CEMIP2: variants seen among roughly 807,000 people sequenced by gnomAD.
CEMIP2 encodes cell migration inducing hyaluronidase 2, also known as cell surface hyaluronidase CEMIP2.
In CEMIP2, 79 loss-of-function variants were observed where a neutral mutation model predicts 146.9. The observed-to-expected ratio is 0.54, with a 90% CI of 0.45 to 0.65. The LOEUF (loss-of-function observed/expected upper bound fraction) is 0.65. Ranked by LOEUF, CEMIP2 falls within the 30% of genes least tolerant of loss-of-function variation. The probability of loss-of-function intolerance (pLI) is 0.00; values close to 1 mark genes in which losing one functional copy is unlikely to be tolerated. For synonymous variants in CEMIP2, 601 were observed against 606.3 expected (o/e 0.99, Z 0.13); for missense variants, 1,596 against 1,696.2 (o/e 0.94, Z 1.04).
intron 21 of CEMIP2, among the ~76,000 whole-genome samples, chr9:71,692,108 T>TA (rs575560028): frequency 0.1 from 13,790 of 135,040 alleles, 1,191 homozygotes; most frequent in African/African-American, 0.24. Context: ...GACTCTATCT[T>TA]AAAAAAAAAA....
chr9:71,752,938 A>G (rs1035152787), intron 1 of CEMIP2, among the ~76,000 whole-genome samples: 4 of 152,182 alleles, frequency 2.6e-5, no homozygotes, highest in African/African-American at 9.7e-5. Flanking sequence ...TGATTTCTGA[A>G]CAAAAGTAAT....
chr9:71,730,787 C>T lies in CEMIP2; in HGVS notation c.1691G>A (p.Arg564Lys). 6.2e-7 allele frequency: 1 copy of T among 1,614,220 alleles called. No homozygotes were observed. Among genetic ancestry groups the T allele is most frequent in the Non-Finnish European group, 8.5e-7 (1 of 1,180,046 alleles). The change falls in exon 8 of 24, where the codon AGA (arginine) becomes AAA (lysine). Residue 564 changes from arginine (R) to lysine (K), a missense_variant. Arg to Lys is a conservative substitution (Grantham distance 26, BLOSUM62 2). Coordinates refer to ENST00000377044, the MANE Select transcript of CEMIP2 (RefSeq NM_013390.3). The part of the protein sequence containing the change: ...CGDVDYKGGY[R>K]HATFVDGLSI... The stretch of plus-strand genomic sequence containing the variant: ...CAGGCCGTCCACAAATGTTGCATGT[C>T]TGTATCCTCCTTTATAATCCACGTC...
intron 13 of CEMIP2, among the ~76,000 whole-genome samples, chr9:71,717,545 C>T (rs1021836491): frequency 2.0e-5 from 3 of 152,092 alleles, no homozygotes; most frequent in East Asian, 3.8e-4. Context: ...AACAGATTTA[C>T]TGAGTTGGAA....
chr9:71,691,822 G>C (rs10746885), intron 21 of CEMIP2, among the ~76,000 whole-genome samples: 124,773 of 152,104 alleles, frequency 0.82, 51,715 homozygotes, highest in East Asian at 0.99. Context: ...AAGCCCCAAA[G>C]CAGCTGGGTG....
rs776527754 is a variant in CEMIP2, at chr9:71,725,591, G to T, written c.2168C>A (p.Ser723Ter). ...LGIFYNNRVHSNFKAGLFIDK... is the reference protein window; with the variant it reads ...LGIFYNNRVH ...AACTTAGAAACCTACCTTAAAATTT[G>T]AATGGACCCTGTTGTTATAAAATAT... Residue 723 changes from serine (S) to a stop codon, truncating the protein, a stop_gained, in exon 11 of 24, where the codon TCA becomes TAA. Transcript: ENST00000377044. LOFTEE classifies it high-confidence loss of function. The T allele has an allele frequency of 6.2e-7, 1 of 1,613,654 alleles. No homozygotes were observed. The highest frequency in any genetic ancestry group is 8.5e-7 in the Non-Finnish European group (1 of 1,179,874).
intron 11 of CEMIP2, among the ~76,000 whole-genome samples, chr9:71,725,361 G>A (rs908652848): frequency 7.2e-5 from 11 of 152,074 alleles, no homozygotes; most frequent in Non-Finnish European, 1.5e-4. Flanking sequence ...CCCTTCTACC[G>A]TGGATGACAC....
At chr9:71,738,430 G>A (rs187667796) in intron 5 of CEMIP2, among the ~76,000 whole-genome samples, 313 of 152,062 alleles carry the variant, frequency 2.1e-3, no homozygotes, top group African/African-American at 6.6e-3. Flanking sequence ...CAGGAGAATT[G>A]CTTGAAACCA....
intron 17 of CEMIP2, 109 bp from the exon 18 acceptor site, chr9:71,704,912 T>A: frequency 9.5e-7 from 1 of 1,051,596 alleles, no homozygotes; most frequent in Non-Finnish European, 1.4e-6. Flanking sequence ...GGAGATTCTG[T>A]GATCTGTGCC....
intron 1 of CEMIP2, among the ~76,000 whole-genome samples, chr9:71,755,188 T>TGC (rs1164013196): frequency 2.1e-5 from 3 of 144,524 alleles, no homozygotes; most frequent in Middle Eastern, 3.6e-3. Context: ...AAATCATGCT[T>TGC]TTTTTTTTTT....
In CEMIP2 at chr9:71,712,171, C is replaced by G. The variant is rs1034728572; in HGVS notation, c.2681G>C (p.Arg894Thr). 1 of 1,614,162 alleles carries G rather than the reference C, an allele frequency of 6.2e-7. No homozygotes were observed. The highest frequency in any genetic ancestry group is 1.7e-5 in the Admixed American group (1 of 60,026). Reference protein sequence around the residue: ...TFKKYVPTPDRYSSAIGFLMK... With the variant: ...TFKKYVPTPDTYSSAIGFLMK... The stretch of plus-strand genomic sequence containing the variant: ...GAGGAAGCCAATTGCACTGCTGTAC[C>G]TATCTGGAGTTGGCACATATTTTTT... Residue 894 changes from arginine to threonine, a missense_variant, in exon 16 of 24, where the codon AGG (arginine) becomes ACG (threonine). By Grantham distance (71) the Arg-to-Thr change is moderately conservative. Transcript: ENST00000377044.
intron 4 of CEMIP2, among the ~76,000 whole-genome samples, chr9:71,744,708 A>C (rs1037534650): frequency 2.6e-5 from 4 of 152,230 alleles, no homozygotes; most frequent in African/African-American, 9.6e-5. Context: ...GAAAGGAAGA[A>C]GTATCTTCAG....
rs374770064 is a variant in CEMIP2, at chr9:71,685,281, C to T, written c.4068G>A (p.Gln1356=). The change falls in exon 24 of 24, where the codon CAG becomes CAA. Residue 1356 remains glutamine (Q), a synonymous_variant. Coordinates refer to ENST00000377044, the MANE Select transcript of CEMIP2 (RefSeq NM_013390.3). ...CTCTGGGACAACCATATTCGTCCAGCTGCAAAGGTATGAATTGTTCAAGCA... is the reference window on the plus strand; with the variant it reads ...CTCTGGGACAACCATATTCGTCCAGTTGCAAAGGTATGAATTGTTCAAGCA... The part of the protein sequence containing the change: ...LGVLEQFIPL[Q]LDEYGCPRAT... 4.3e-5 allele frequency: 70 copies of T among 1,612,734 alleles called. No homozygotes were observed. In the Middle Eastern group the frequency reaches 1.3e-3, roughly 30 times the overall value.
Position 71,685,129 on chromosome 9 carries a change from A to T in CEMIP2, c.*68T>A. 7.0e-7 allele frequency: 1 copy of T among 1,418,710 alleles called. No individual in the cohort carries two copies. The highest frequency in any genetic ancestry group is 9.4e-7 in the Non-Finnish European group (1 of 1,059,620). 87.9% of individuals were successfully genotyped at this position (1,418,710 alleles called of 1,614,324 possible). ...TCCGTTGGGTTAACAGTGTCATTTT[A>T]AAATGCCATAAATTAAATAAGTTAG... On this transcript the variant is annotated 3_prime_UTR_variant, in exon 24 of 24. Coordinates refer to ENST00000377044, the MANE Select transcript of CEMIP2 (RefSeq NM_013390.3).
chr9:71,716,442 T>C, intron 14 of CEMIP2, 75 bp downstream of exon 14: 1 of 1,196,968 alleles, frequency 8.4e-7, no homozygotes, highest in Non-Finnish European at 1.2e-6. Flanking sequence ...AACATTCCTG[T>C]GTATTATCAG....
chr9:71,696,519 C>T (rs1589128677), intron 20 of CEMIP2, among the ~76,000 whole-genome samples: 1 of 151,738 alleles, frequency 6.6e-6, no homozygotes, highest in South Asian at 2.1e-4. Flanking sequence ...ACCTGTAATC[C>T]CAGTACTTTG....
chr9:71,695,180 G>C (rs1822358141), intron 20 of CEMIP2, among the ~76,000 whole-genome samples: 2 of 152,030 alleles, frequency 1.3e-5, no homozygotes, highest in South Asian at 4.2e-4. Context: ...CCTCTTCCTT[G>C]CCACTCTGCC....
In CEMIP2 at chr9:71,685,198, T is replaced by C; in HGVS notation, c.4151A>G (p.Ter1384TrpextTer6). Residue 1384 changes from the stop codon to tryptophan, a stop_lost, in exon 24 of 24, where the codon TAG becomes TGG. Transcript: ENST00000377044. Reference protein sequence around the residue: ...ELLKQASKAH* With the variant: ...ELLKQASKAHW ...CAGCACTTAAGTTACAGTTAGTCTC[T>C]AATGTGCTTTTGAAGCTTGCTTTAG... 6.2e-7 allele frequency: 1 copy of C among 1,605,706 alleles called. No individual in the cohort carries two copies. Among genetic ancestry groups the C allele is most frequent in the South Asian group, 1.1e-5 (1 of 89,410 alleles).
At chr9:71,718,905 T>C (rs978742554) in intron 12 of CEMIP2, among the ~76,000 whole-genome samples, 26 of 152,292 alleles carry the variant, frequency 1.7e-4, no homozygotes, top group South Asian at 6.2e-4. Flanking sequence ...ATATTTATTA[T>C]AAATACTGAA....
In CEMIP2 at chr9:71,745,066, ATC is replaced by A; in HGVS notation, c.984_985del (p.Gln328HisfsTer9). 6.2e-7 allele frequency: 1 copy of A among 1,614,166 alleles called. No homozygotes were observed. The highest frequency in any genetic ancestry group is 8.5e-7 in the Non-Finnish European group (1 of 1,180,014). On this transcript the variant is annotated frameshift_variant, in exon 4 of 24. Transcript: ENST00000377044. LOFTEE classifies it high-confidence loss of function. ...TTCACTTCCCAACCGTTCCTGGATCATCTGGATGGTTCCTTGTAAGAGACTTT... is the reference window on the plus strand; with the variant it reads ...TTCACTTCCCAACCGTTCCTGGATCATGGATGGTTCCTTGTAAGAGACTTT...
Sources: gnomAD v4.1 joint callset for allele counts (sites outside exome capture counted in the v4.1 genomes callset) on GRCh38, gnomAD v4.1.1 for gene constraint, MANE v1.5 for transcripts, NCBI Gene and HGNC (gene_info 2026-07-23, HGNC 2026-07-21) for gene names.